CDH13: variants seen among roughly 807,000 people sequenced by gnomAD.
CDH13 encodes cadherin 13.
A neutral mutation model predicts 63.8 loss-of-function variants in CDH13; 24 were observed. The ratio of observed to expected loss-of-function variants is 0.38; its 90% CI spans 0.27 to 0.53. CDH13 has a LOEUF of 0.53. Ranked by LOEUF, CDH13 falls within the 20% of genes least tolerant of loss-of-function variation. The pLI is 0.85. For synonymous variants in CDH13, 503 were observed against 355.3 expected (o/e 1.42, Z -4.67); for missense variants, 1,049 against 903.1 (o/e 1.16, Z -2.07).
intron 5 of CDH13, among the ~76,000 whole-genome samples, chr16:83,253,238 T>C (rs1305947111): frequency 6.6e-6 from 1 of 152,188 alleles, no homozygotes; most frequent in Admixed American, 6.5e-5. Context: ...GTAAAAGGCT[T>C]CCTATAAGAC....
At chr16:82,916,645 C>A (rs772670185) in intron 2 of CDH13, among the ~76,000 whole-genome samples, 4 of 151,878 alleles carry the variant, frequency 2.6e-5, no homozygotes, top group Admixed American at 2.6e-4. Flanking sequence ...GATACATTCT[C>A]ATAAAGCCCA....
chr16:83,527,525 G>C lies in CDH13; in HGVS notation c.960+40870G>C, dbSNP rs549671605. On this transcript the variant is annotated intron_variant, in intron 7 of 13. Transcript: ENST00000567109. ...TGTCTTCTGCGTTAACCGCAGCACA[G>C]GGAGAGAAAAACTACATCTACCCAC... Among the ~76,000 whole-genome samples, 3 of 152,180 alleles carry C rather than the reference G, an allele frequency of 2.0e-5. No homozygotes were observed. In the South Asian group the frequency reaches 6.2e-4, roughly 32 times the overall value.
intron 1 of CDH13, among the ~76,000 whole-genome samples, chr16:82,720,832 C>A (rs1295093957): frequency 1.3e-5 from 2 of 152,192 alleles, no homozygotes; most frequent in African/African-American, 4.8e-5. Context: ...AGTCACTGAG[C>A]AAAAGGCCCT....
chr16:83,405,170 T>C (rs2092023330), intron 6 of CDH13, among the ~76,000 whole-genome samples: 1 of 152,154 alleles, frequency 6.6e-6, no homozygotes, highest in African/African-American at 2.4e-5. Flanking sequence ...CTATGTGCAT[T>C]CTTTCAGGAA....
chr16:83,217,112 C>T (rs1021313193), intron 4 of CDH13, among the ~76,000 whole-genome samples: 1 of 152,124 alleles, frequency 6.6e-6, no homozygotes, highest in Non-Finnish European at 1.5e-5. Context: ...CTGTATGTCA[C>T]CCGAGTGCTG....
At chr16:83,727,246 G>C (rs970234093) in intron 10 of CDH13, among the ~76,000 whole-genome samples, 3 of 151,206 alleles carry the variant, frequency 2.0e-5, no homozygotes, top group African/African-American at 7.4e-5. Context: ...GCCTAGTACG[G>C]ACATTTCATC....
rs559066588 is a variant in CDH13, at chr16:83,135,811, T to C, written c.483+10310T>C. Reference sequence around the variant, plus strand: ...ACAAGTGGATAAAGAAACTGTGACATATGTATATATGATGGAATACTACTC... The same window carrying C: ...ACAAGTGGATAAAGAAACTGTGACACATGTATATATGATGGAATACTACTC... On this transcript the variant is annotated intron_variant, in intron 4 of 13. Transcript: ENST00000567109. Among the ~76,000 whole-genome samples the C allele has an allele frequency of 1.4e-3, 214 of 152,292 alleles. 1 individual carries two copies. Among genetic ancestry groups the C allele is most frequent in the African/African-American group, 4.9e-3 (203 of 41,552 alleles).
intron 2 of CDH13, among the ~76,000 whole-genome samples, chr16:83,023,730 C>T (rs547574707): frequency 1.3e-5 from 2 of 152,336 alleles, no homozygotes; most frequent in Admixed American, 6.5e-5. Context: ...GAATCACTGA[C>T]ACTTTGGTGG....
chr16:83,635,996 T>A (rs76938066), intron 8 of CDH13, among the ~76,000 whole-genome samples: 1,855 of 152,116 alleles, frequency 0.012, 37 homozygotes, highest in African/African-American at 0.043. Flanking sequence ...AAGTGTAAGG[T>A]TTAGGTTGAG....
chr16:83,300,239 ATG>A (rs551886234), intron 5 of CDH13, among the ~76,000 whole-genome samples: 78 of 152,364 alleles, frequency 5.1e-4, no homozygotes, highest in African/African-American at 1.8e-3. Context: ...AACTTAGAAA[ATG>A]AGATTTTGTA....
chr16:82,713,023 T>C (rs1166890128), intron 1 of CDH13, among the ~76,000 whole-genome samples: 1 of 149,076 alleles, frequency 6.7e-6, no homozygotes, highest in African/African-American at 2.5e-5. Flanking sequence ...TTAATGCTTA[T>C]GGAGTGAATA....
At chr16:82,627,566 G>C (rs931071068) in intron 1 of CDH13, among the ~76,000 whole-genome samples, 2 of 152,148 alleles carry the variant, frequency 1.3e-5, no homozygotes, top group Non-Finnish European at 2.9e-5. Context: ...CCCAGCGGCC[G>C]AAGCGCTGCT....
At position 83,155,189 on chromosome 16, in the gene CDH13, T is replaced by C. The variant is rs117076688; in HGVS notation, c.483+29688T>C. ...GACAAGTAGTCTTCCCTGAGAAATA[T>C]TGGACAGCAACAGATTATATAAGGA... On this transcript the variant is annotated intron_variant, in intron 4 of 13. Transcript: ENST00000567109. Among the ~76,000 whole-genome samples, 1,305 of 152,332 alleles carry C rather than the reference T, an allele frequency of 8.6e-3. 14 individuals are homozygous for C. The highest frequency in any genetic ancestry group is 0.041 in the Middle Eastern group (12 of 294).
intron 5 of CDH13, among the ~76,000 whole-genome samples, chr16:83,256,842 C>T (rs1906349402): frequency 5.9e-5 from 2 of 33,970 alleles, no homozygotes; most frequent in South Asian, 5.5e-3. Context: ...GAGACTCCAT[C>T]TCAAAAAAAA....
intron 7 of CDH13, among the ~76,000 whole-genome samples, chr16:83,575,472 A>G (rs927009894): frequency 1.3e-5 from 2 of 152,182 alleles, no homozygotes; most frequent in African/African-American, 4.8e-5. Context: ...TAGATCTGTA[A>G]GACAAGTACC....
At chr16:83,775,303 G>C (rs1915032483) in intron 11 of CDH13, among the ~76,000 whole-genome samples, 1 of 151,756 alleles carries the variant, frequency 6.6e-6, no homozygotes, top group South Asian at 2.1e-4. Context: ...TCTGAATGCA[G>C]GTGCGTTTCT....
At chr16:82,714,817 C>T (rs1308181646) in intron 1 of CDH13, among the ~76,000 whole-genome samples, 1 of 141,678 alleles carries the variant, frequency 7.1e-6, no homozygotes, top group Non-Finnish European at 1.5e-5. Flanking sequence ...CAAGGGACAC[C>T]AAAACTGCCA....
chr16:82,877,337 TC>T (rs2040539737), intron 2 of CDH13, among the ~76,000 whole-genome samples: 1 of 152,204 alleles, frequency 6.6e-6, no homozygotes, highest in Non-Finnish European at 1.5e-5. Flanking sequence ...GCATGGATTG[TC>T]CAAATGAAGC....
At chr16:82,911,140 T>C (rs2151263864) in intron 2 of CDH13, among the ~76,000 whole-genome samples, 1 of 152,318 alleles carries the variant, frequency 6.6e-6, no homozygotes, top group Middle Eastern at 3.4e-3. Flanking sequence ...ACCAGAGCTT[T>C]GAGCGTTCTC....
Sources: gnomAD v4.1 joint callset for allele counts (sites outside exome capture counted in the v4.1 genomes callset) on GRCh38, gnomAD v4.1.1 for gene constraint, MANE v1.5 for transcripts, NCBI Gene and HGNC (gene_info 2026-07-23, HGNC 2026-07-21) for gene names.